The following DOCK3 variants were observed in gnomAD, a reference collection of about 807,000 sequenced individuals.
The protein encoded by DOCK3 is dedicator of cytokinesis protein 3.
Under a neutral mutation model 265.6 loss-of-function variants are expected in DOCK3, and 60 were observed. The observed-to-expected ratio is 0.23, with a 90% CI of 0.18 to 0.28. The LOEUF (loss-of-function observed/expected upper bound fraction) is 0.28, where lower values mean the gene tolerates loss of function less well. Among genes scored for constraint, DOCK3 ranks in the 10% least tolerant of loss-of-function variants. The pLI, the probability that DOCK3 is intolerant of heterozygous loss-of-function variation, is 1.00. For synonymous variants in DOCK3, 881 were observed against 938.0 expected (o/e 0.94, Z 1.11); for missense variants, 1,981 against 2,594.3 (o/e 0.76, Z 5.14).
intron 2 of DOCK3, among the ~76,000 whole-genome samples, chr3:50,802,531 T>C (rs1446732790): frequency 3.3e-5 from 5 of 152,206 alleles, no homozygotes; most frequent in African/African-American, 7.2e-5. Context: ...GTAGGTTTGC[T>C]GGGTATAATA....
At chr3:51,110,713 A>C (rs2083476903) in intron 9 of DOCK3, among the ~76,000 whole-genome samples, 1 of 152,228 alleles carries the variant, frequency 6.6e-6, no homozygotes, top group African/African-American at 2.4e-5. Context: ...ATCTATGACA[A>C]ACCCACAGCC....
At chr3:50,902,333 CTT>C (rs1275369494) in intron 4 of DOCK3, among the ~76,000 whole-genome samples, 1 of 152,138 alleles carries the variant, frequency 6.6e-6, no homozygotes, top group Non-Finnish European at 1.5e-5. Context: ...GCATTTAAGT[CTT>C]TAATCCATCT....
intron 13 of DOCK3, among the ~76,000 whole-genome samples, chr3:51,210,112 C>T (rs944625352): frequency 2.6e-5 from 4 of 152,178 alleles, no homozygotes; most frequent in African/African-American, 4.8e-5. Flanking sequence ...ACTACACGTT[C>T]GTGGGACATA....
At chr3:50,804,188 G>A (rs1313012080) in intron 2 of DOCK3, among the ~76,000 whole-genome samples, 1 of 151,550 alleles carries the variant, frequency 6.6e-6, no homozygotes, top group Non-Finnish European at 1.5e-5. Context: ...ATGGGCGGCC[G>A]GGCAGAGACG....
At chr3:51,338,817 G>A (rs906278418) in intron 36 of DOCK3, 118 bp from the exon 37 acceptor site, 1 of 801,024 alleles carries the variant, frequency 1.2e-6, no homozygotes, top group Non-Finnish European at 2.1e-6. Flanking sequence ...GGTGCTGTCT[G>A]CCTCCAGGGC....
intron 5 of DOCK3, among the ~76,000 whole-genome samples, chr3:50,994,596 A>G (rs950094764): frequency 6.6e-6 from 1 of 152,238 alleles, no homozygotes; most frequent in Non-Finnish European, 1.5e-5. Context: ...AAAAATGGGG[A>G]TGAAAGTGGG....
intron 5 of DOCK3, among the ~76,000 whole-genome samples, chr3:50,988,427 C>A (rs1405968979): frequency 6.6e-6 from 1 of 152,138 alleles, no homozygotes; most frequent in African/African-American, 2.4e-5. Flanking sequence ...GGTGGGCCAC[C>A]ATCCTTGCTG....
chr3:51,275,706 G>A (rs2080781698), intron 25 of DOCK3, among the ~76,000 whole-genome samples: 1 of 152,156 alleles, frequency 6.6e-6, no homozygotes, highest in Admixed American at 6.5e-5. Context: ...CTGAGCCTCA[G>A]AGGATGGTAG....
intron 1 of DOCK3, among the ~76,000 whole-genome samples, chr3:50,757,280 T>C (rs1241005085): frequency 1.3e-5 from 2 of 148,320 alleles, no homozygotes; most frequent in Admixed American, 1.4e-4. Flanking sequence ...AAGCGATTTC[T>C]CCTGCCTCAG....
intron 2 of DOCK3, among the ~76,000 whole-genome samples, chr3:50,838,081 A>G (rs2045615493): frequency 6.6e-6 from 1 of 152,232 alleles, no homozygotes; most frequent in Non-Finnish European, 1.5e-5. Context: ...ACCATTTCCA[A>G]TAATTCTTTC....
intron 1 of DOCK3, among the ~76,000 whole-genome samples, chr3:50,752,310 A>T (rs2039871096): frequency 6.6e-6 from 1 of 152,134 alleles, no homozygotes; most frequent in Non-Finnish European, 1.5e-5. Flanking sequence ...AGAGATTGAG[A>T]CCATCCTGGC....
Position 50,823,168 on chromosome 3 carries a change from A to T in DOCK3, c.122-18507A>T, listed in dbSNP as rs183425827. Reference sequence around the variant, plus strand: ...TTTTATTTTATTTATTTATTTATTTATTTTTTTTTATTGATCATTCTTGGG... The same window carrying T: ...TTTTATTTTATTTATTTATTTATTTTTTTTTTTTTATTGATCATTCTTGGG... On this transcript the variant is annotated intron_variant, in intron 2 of 52. Transcript: ENST00000266037. Among the ~76,000 whole-genome samples, 996 of 151,716 alleles carry T rather than the reference A, an allele frequency of 6.6e-3. 8 individuals are homozygous for T. Among genetic ancestry groups the T allele is most frequent in the African/African-American group, 0.02 (830 of 41,426 alleles).
At chr3:50,890,371 A>T (rs72937253) in intron 4 of DOCK3, among the ~76,000 whole-genome samples, 13,489 of 152,132 alleles carry the variant, frequency 0.089, 1,232 homozygotes, top group East Asian at 0.33. Flanking sequence ...TCATTCATAG[A>T]GTAGGAGTTA....
intron 2 of DOCK3, chr3:50,787,768 T>G: frequency 8.7e-7 from 1 of 1,150,448 alleles, no homozygotes; most frequent in Non-Finnish European, 1.3e-6. Context: ...TTTCTTCTGC[T>G]TATCATTCTC....
At chr3:51,288,820 C>G (rs1363915703) in intron 27 of DOCK3, among the ~76,000 whole-genome samples, 3 of 151,778 alleles carry the variant, frequency 2.0e-5, no homozygotes. Flanking sequence ...ACTCATAAGC[C>G]AACAGATTTT....
chr3:51,310,276 G>A lies in DOCK3; in HGVS notation c.2967G>A (p.Lys989=), dbSNP rs775336315. Residue 989 remains lysine, a synonymous_variant, in exon 28 of 53, where the codon AAG becomes AAA. Transcript: ENST00000266037. ...KIFCVFRNLM[K]MSVFPRDWMV... ...TTTGCGTGTTCCGGAACCTGATGAA[G>A]ATGAGTGTCTTCCCTCGGGACTGGA... 14 of 1,606,818 alleles carry A rather than the reference G, an allele frequency of 8.7e-6. No individual in the cohort carries two copies. The South Asian group carries it at 1.0e-4, about 12-fold the overall frequency.
chr3:50,713,141 A>G (rs2036875294), intron 1 of DOCK3, among the ~76,000 whole-genome samples: 1 of 152,208 alleles, frequency 6.6e-6, no homozygotes, highest in Admixed American at 6.5e-5. Context: ...CCTCAACTTT[A>G]AGTGTGTTCT....
chr3:51,365,061 A>C (rs1037024374), intron 49 of DOCK3, among the ~76,000 whole-genome samples: 37 of 152,198 alleles, frequency 2.4e-4, no homozygotes, highest in African/African-American at 8.4e-4. Context: ...TGAATCTATA[A>C]ATTACCTTGG....
intron 1 of DOCK3, among the ~76,000 whole-genome samples, chr3:50,711,958 A>G (rs1241074881): frequency 6.6e-6 from 1 of 152,142 alleles, no homozygotes; most frequent in East Asian, 1.9e-4. Context: ...TTTGGTGTAC[A>G]GTTGTCCATA....
Sources: allele counts gnomAD v4.1 joint callset (sites outside exome capture counted in the v4.1 genomes callset), GRCh38; gene constraint gnomAD v4.1.1; transcripts MANE v1.5; gene names NCBI Gene and HGNC (gene_info 2026-07-23, HGNC 2026-07-21).